The following PDE4B variants were observed in gnomAD, a reference collection of about 807,000 sequenced individuals.
PDE4B encodes phosphodiesterase 4B, also known as 3',5'-cyclic-AMP phosphodiesterase 4B.
In PDE4B, 20 loss-of-function variants were observed where a neutral mutation model predicts 82.2. The observed-to-expected ratio is 0.24, with a 90% CI of 0.17 to 0.35. The LOEUF (loss-of-function observed/expected upper bound fraction) is 0.35, where lower values mean the gene tolerates loss of function less well. Ranked by LOEUF, PDE4B falls within the 10% of genes least tolerant of loss-of-function variation. PDE4B has a pLI of 1.00. For synonymous variants in PDE4B, 320 were observed against 318.9 expected, an observed-to-expected ratio of 1.00 and a Z score of -0.04; for missense variants, 655 against 907.2, an observed-to-expected ratio of 0.72 and a Z score of 3.57.
intron 7 of PDE4B, among the ~76,000 whole-genome samples, chr1:66,294,557 A>G (rs760160133): frequency 2.0e-5 from 3 of 152,192 alleles, no homozygotes; most frequent in Non-Finnish European, 4.4e-5. Flanking sequence ...TACCATTTCT[A>G]TCAGGTTTCT....
intron 3 of PDE4B, among the ~76,000 whole-genome samples, chr1:66,108,134 T>A (rs2101043982): frequency 6.6e-6 from 1 of 152,072 alleles, no homozygotes; most frequent in Middle Eastern, 3.4e-3. Flanking sequence ...TAAAGAGTCA[T>A]CAGGCTGTGC....
At chr1:65,979,267 A>G (rs1650565354) in intron 3 of PDE4B, among the ~76,000 whole-genome samples, 1 of 152,200 alleles carries the variant, frequency 6.6e-6, no homozygotes, top group Non-Finnish European at 1.5e-5. Flanking sequence ...CTCTCAGCAT[A>G]TAGTATTCTG....
intron 1 of PDE4B, among the ~76,000 whole-genome samples, chr1:65,805,499 T>G (rs1645744704): frequency 6.6e-6 from 1 of 152,204 alleles, no homozygotes; most frequent in Admixed American, 6.5e-5. Flanking sequence ...GATATTTTTG[T>G]GGATAGCTAA....
chr1:65,888,671 TA>T (rs1646818929), intron 1 of PDE4B, among the ~76,000 whole-genome samples: 2 of 152,160 alleles, frequency 1.3e-5, no homozygotes, highest in African/African-American at 4.8e-5. Context: ...CTTCCTTGGT[TA>T]AATTTATTCC....
chr1:66,148,721 G>A (rs1033123191), intron 3 of PDE4B, among the ~76,000 whole-genome samples: 1 of 152,030 alleles, frequency 6.6e-6, no homozygotes, highest in African/African-American at 2.4e-5. Flanking sequence ...CTACAGATTT[G>A]CCTATTCTGG....
At chr1:65,902,898 T>A (rs1646987449) in intron 1 of PDE4B, among the ~76,000 whole-genome samples, 1 of 152,106 alleles carries the variant, frequency 6.6e-6, no homozygotes, top group African/African-American at 2.4e-5. Flanking sequence ...TAATTTAGAG[T>A]CTGCAGATAT....
chr1:66,357,585 A>C (rs915379314), intron 9 of PDE4B, among the ~76,000 whole-genome samples: 1 of 151,870 alleles, frequency 6.6e-6, no homozygotes, highest in Non-Finnish European at 1.5e-5. Context: ...TTCAAGAACA[A>C]ATTGTTGAGG....
intron 3 of PDE4B, among the ~76,000 whole-genome samples, chr1:66,047,399 T>C (rs1242027460): frequency 1.3e-5 from 2 of 151,916 alleles, no homozygotes; most frequent in Non-Finnish European, 2.9e-5. Context: ...TGGCTGTTAT[T>C]GTTGTTATCC....
intron 1 of PDE4B, among the ~76,000 whole-genome samples, chr1:65,841,104 C>T (rs1195750554): frequency 2.0e-5 from 3 of 152,108 alleles, no homozygotes; most frequent in African/African-American, 7.2e-5. Context: ...CTAGACCAGC[C>T]TAGGCAACAT....
At chr1:66,161,148 CA>C (rs1646604596) in intron 3 of PDE4B, among the ~76,000 whole-genome samples, 1 of 151,966 alleles carries the variant, frequency 6.6e-6, no homozygotes, top group South Asian at 2.1e-4. Context: ...CTTTGGCATT[CA>C]AATTGGGCAT....
At chr1:65,946,804 T>C (rs1648736996) in intron 3 of PDE4B, among the ~76,000 whole-genome samples, 1 of 152,024 alleles carries the variant, frequency 6.6e-6, no homozygotes, top group African/African-American at 2.4e-5. Context: ...TTACACCTCT[T>C]TGCATCGTTT....
At chr1:65,961,676 A>G (rs1296667854) in intron 3 of PDE4B, among the ~76,000 whole-genome samples, 1 of 152,180 alleles carries the variant, frequency 6.6e-6, no homozygotes, top group Non-Finnish European at 1.5e-5. Context: ...AGGGTGCATA[A>G]TAACTCAATG....
chr1:66,045,505 C>T lies in PDE4B; in HGVS notation c.281+126670C>T, dbSNP rs537637551. On this transcript the variant is annotated intron_variant, in intron 3 of 16. Coordinates refer to ENST00000341517, the MANE Select transcript of PDE4B (RefSeq NM_002600.4). ...TGAGTCTTATCAGAAATTTCTCCTG[C>T]AAAAATACTTTCCTGGCTTGTACTT... 3.3e-5 allele frequency among the ~76,000 whole-genome samples: 5 copies of T among 151,706 alleles called. No individual in the cohort carries two copies. In the South Asian group the frequency reaches 1.0e-3, roughly 32 times the overall value.
At chr1:66,026,706 C>G (rs1034357218) in intron 3 of PDE4B, among the ~76,000 whole-genome samples, 2 of 152,184 alleles carry the variant, frequency 1.3e-5, no homozygotes, top group African/African-American at 4.8e-5. Flanking sequence ...TGTGTGCTCA[C>G]TAAATATTAA....
chr1:66,303,121 C>T (rs1044484646), intron 7 of PDE4B, among the ~76,000 whole-genome samples: 2 of 152,044 alleles, frequency 1.3e-5, no homozygotes, highest in Non-Finnish European at 1.5e-5. Context: ...ATTTTTTCAC[C>T]ATTGTAACCA....
chr1:65,938,989 A>G (rs931211226), intron 3 of PDE4B, among the ~76,000 whole-genome samples: 1 of 152,176 alleles, frequency 6.6e-6, no homozygotes, highest in Admixed American at 6.6e-5. Flanking sequence ...GAACAATACT[A>G]CTTTAGTCCA....
intron 3 of PDE4B, among the ~76,000 whole-genome samples, chr1:66,235,119 T>C (rs1652302858): frequency 6.6e-6 from 1 of 152,228 alleles, no homozygotes; most frequent in Non-Finnish European, 1.5e-5. Context: ...AAGACAAACT[T>C]TGTATGACTT....
At chr1:65,864,942 A>G (rs569667017) in intron 1 of PDE4B, among the ~76,000 whole-genome samples, 1 of 152,182 alleles carries the variant, frequency 6.6e-6, no homozygotes, top group Admixed American at 6.5e-5. Flanking sequence ...CTCAGAGCCC[A>G]CAGGCAGGAA....
intron 1 of PDE4B, among the ~76,000 whole-genome samples, chr1:65,828,349 C>A (rs1296390930): frequency 6.6e-6 from 1 of 152,044 alleles, no homozygotes; most frequent in Non-Finnish European, 1.5e-5. Context: ...GGTTTCAAGC[C>A]ATTCTCCTGC....
Sources: allele counts gnomAD v4.1 joint callset (sites outside exome capture counted in the v4.1 genomes callset), GRCh38; gene constraint gnomAD v4.1.1; transcripts MANE v1.5; gene names NCBI Gene and HGNC (gene_info 2026-07-23, HGNC 2026-07-21).